The following CDC42BPA variants were observed in gnomAD, a reference collection of about 807,000 sequenced individuals.
CDC42BPA encodes serine/threonine-protein kinase MRCK alpha.
Under a neutral mutation model 223.5 loss-of-function variants are expected in CDC42BPA, and 80 were observed. That is an observed-to-expected ratio of 0.36 (90% CI 0.30 to 0.43). CDC42BPA has a LOEUF of 0.43. Among genes scored for constraint, CDC42BPA ranks in the 20% least tolerant of loss-of-function variants. CDC42BPA has a pLI of 1.00. For synonymous variants in CDC42BPA, 694 were observed against 718.6 expected (o/e 0.97, Z 0.55); for missense variants, 1,743 against 2,099.9 (o/e 0.83, Z 3.32).
intron 1 of CDC42BPA, among the ~76,000 whole-genome samples, chr1:227,286,582 G>C (rs60068245): frequency 6.6e-6 from 1 of 151,812 alleles, no homozygotes; most frequent in Non-Finnish European, 1.5e-5. Context: ...TCCAACCTCC[G>C]TACGTTATCC....
chr1:227,269,759 CAG>C (rs890641785), intron 1 of CDC42BPA, among the ~76,000 whole-genome samples: 1 of 151,974 alleles, frequency 6.6e-6, no homozygotes, highest in African/African-American at 2.4e-5. Flanking sequence ...GGAAGTAAAT[CAG>C]AGATTTTTAT....
At chr1:227,060,866 T>C (rs1391398055) in intron 21 of CDC42BPA, among the ~76,000 whole-genome samples, 1 of 151,634 alleles carries the variant, frequency 6.6e-6, no homozygotes, top group Non-Finnish European at 1.5e-5. Context: ...TGATTACAAG[T>C]GCGCGCCACC....
chr1:227,153,002 T>C (rs1443386905), intron 6 of CDC42BPA, among the ~76,000 whole-genome samples: 1 of 151,700 alleles, frequency 6.6e-6, no homozygotes, highest in Non-Finnish European at 1.5e-5. Flanking sequence ...TAAAAGAAAA[T>C]ACCCTGGAAG....
intron 32 of CDC42BPA, among the ~76,000 whole-genome samples, chr1:227,022,290 G>C (rs1667522734): frequency 6.6e-6 from 1 of 152,072 alleles, no homozygotes; most frequent in Non-Finnish European, 1.5e-5. Flanking sequence ...AAAATTAGCT[G>C]GGTGTGGTGG....
intron 1 of CDC42BPA, among the ~76,000 whole-genome samples, chr1:227,282,114 G>T (rs771996938): frequency 4.0e-5 from 6 of 151,680 alleles, no homozygotes; most frequent in Non-Finnish European, 7.4e-5. Flanking sequence ...CTTGAACCCG[G>T]GAGGCAGAGG....
intron 2 of CDC42BPA, among the ~76,000 whole-genome samples, chr1:227,244,288 T>C (rs1448312888): frequency 6.6e-6 from 1 of 152,160 alleles, no homozygotes; most frequent in Non-Finnish European, 1.5e-5. Flanking sequence ...CATTAATAAA[T>C]AACTTGTGAC....
chr1:227,060,019 A>AG (rs1429839606), intron 21 of CDC42BPA, among the ~76,000 whole-genome samples: 5 of 116,560 alleles, frequency 4.3e-5, no homozygotes, highest in African/African-American at 1.2e-4. Flanking sequence ...TATCTCAAAA[A>AG]GTTTTTTTTT....
At chr1:227,311,022 G>A (rs1240358872) in intron 1 of CDC42BPA, among the ~76,000 whole-genome samples, 1 of 152,040 alleles carries the variant, frequency 6.6e-6, no homozygotes, top group African/African-American at 2.4e-5. Context: ...AAAAACTTGT[G>A]TCTGGGATAA....
chr1:227,049,049 T>C (rs1673029145), intron 22 of CDC42BPA, among the ~76,000 whole-genome samples: 1 of 152,030 alleles, frequency 6.6e-6, no homozygotes, highest in Non-Finnish European at 1.5e-5. Flanking sequence ...TTAGCTCTAA[T>C]TTAGATTTTA....
chr1:227,119,991 A>T (rs16847137), intron 11 of CDC42BPA, 54 bp from the exon 12 acceptor site: 7 of 1,450,298 alleles, frequency 4.8e-6, no homozygotes, highest in Non-Finnish European at 6.5e-6. Context: ...CAAATGATTG[A>T]ACCTAAGGTA....
At position 227,201,361 on chromosome 1, in the gene CDC42BPA, T is replaced by C. The variant is rs190996878; in HGVS notation, c.355-1709A>G. Among the ~76,000 whole-genome samples the C allele has an allele frequency of 2.9e-4, 44 of 152,220 alleles. 1 individual carries two copies. In the East Asian group the frequency reaches 7.5e-3, roughly 26 times the overall value. ...CGAGGTCTCACTATCTTGCTCAGGT[T>C]GGTCTCATACTACTGGGCTCAAGCA... is the stretch of plus-strand genomic sequence containing the variant. On this transcript the variant is annotated intron_variant, in intron 3 of 36. Transcript: ENST00000366766.
intron 5 of CDC42BPA, among the ~76,000 whole-genome samples, chr1:227,193,427 TTG>T (rs1670103134): frequency 6.6e-6 from 1 of 152,044 alleles, no homozygotes; most frequent in African/African-American, 2.4e-5. Flanking sequence ...TATTGTGTGG[TTG>T]TGAGTTATGC....
At chr1:227,259,213 G>A (rs1484446059) in intron 1 of CDC42BPA, among the ~76,000 whole-genome samples, 2 of 150,764 alleles carry the variant, frequency 1.3e-5, no homozygotes, top group East Asian at 1.9e-4. Flanking sequence ...CCATTTAACT[G>A]GCCAGTGTTA....
chr1:227,112,492 T>A, intron 13 of CDC42BPA, 70 bp from the exon 14 acceptor site: 1 of 1,200,886 alleles, frequency 8.3e-7, no homozygotes, highest in Non-Finnish European at 1.2e-6. Flanking sequence ...TTTATCCCAA[T>A]GAGAATTTAC....
At chr1:227,101,321 G>A in intron 14 of CDC42BPA, 82 bp from the exon 15 acceptor site, 1 of 825,510 alleles carries the variant, frequency 1.2e-6, no homozygotes, top group Non-Finnish European at 1.8e-6. Context: ...ATATAAATGA[G>A]TATTCATATA....
At chr1:227,109,205 T>C (rs1223141975) in intron 14 of CDC42BPA, among the ~76,000 whole-genome samples, 3 of 152,184 alleles carry the variant, frequency 2.0e-5, no homozygotes, top group South Asian at 2.1e-4. Context: ...GGAGACCTGA[T>C]AGATAAACAC....
intron 1 of CDC42BPA, among the ~76,000 whole-genome samples, chr1:227,313,842 T>G (rs574449920): frequency 0.062 from 9,098 of 147,316 alleles, 276 homozygotes; most frequent in Non-Finnish European, 0.074. Flanking sequence ...TAGGTACAAA[T>G]TTATTAAACA....
chr1:227,131,068 T>A lies in CDC42BPA; in HGVS notation c.1391-1837A>T, dbSNP rs1374521605. Among the ~76,000 whole-genome samples, 4 of 152,208 alleles carry A rather than the reference T, an allele frequency of 2.6e-5. No individual in the cohort carries two copies. In the East Asian group the frequency reaches 5.8e-4, roughly 22 times the overall value. ...TTGTCTTCCCTATCTTACTCTTTTT[T>A]AAATAAGGATTTTACATGTTGTTCT... On this transcript the variant is annotated intron_variant, in intron 10 of 36. Transcript: ENST00000366766.
At chr1:227,280,713 A>G (rs1051736870) in intron 1 of CDC42BPA, among the ~76,000 whole-genome samples, 2 of 152,240 alleles carry the variant, frequency 1.3e-5, no homozygotes, top group Non-Finnish European at 2.9e-5. Flanking sequence ...TTAACAAAAA[A>G]AATCTGATCT....
Sources: allele counts gnomAD v4.1 joint callset (sites outside exome capture counted in the v4.1 genomes callset), GRCh38; gene constraint gnomAD v4.1.1; transcripts MANE v1.5; gene names NCBI Gene and HGNC (gene_info 2026-07-23, HGNC 2026-07-21).